The following ENKUR variants were observed in gnomAD, a reference collection of about 807,000 sequenced individuals.
ENKUR encodes enkurin, TRPC channel interacting protein, also known as enkurin.
Under a neutral mutation model 27.6 loss-of-function variants are expected in ENKUR, and 19 were observed. That is an observed-to-expected ratio of 0.69 (90% confidence interval 0.48 to 1.01). The LOEUF (loss-of-function observed/expected upper bound fraction) is 1.01. Among genes scored for constraint, ENKUR ranks in the 50% least tolerant of loss-of-function variants. ENKUR has a pLI of 0.00. For missense variants in ENKUR, 312 were observed against 310.5 expected (o/e 1.00, Z -0.04); for synonymous variants, 117 against 96.9 (o/e 1.21, Z -1.22).
chr10:25,031,461 A>T (rs555942134), intron 2 of ENKUR, among the ~76,000 whole-genome samples: 1 of 152,318 alleles, frequency 6.6e-6, no homozygotes, highest in Non-Finnish European at 1.5e-5. Context: ...GAGTGTAGCA[A>T]AAGAGCAGAA....
chr10:25,041,203 T>C (rs575462770), intron 2 of ENKUR, among the ~76,000 whole-genome samples: 2 of 152,364 alleles, frequency 1.3e-5, no homozygotes, highest in East Asian at 3.9e-4. Flanking sequence ...CTTCTGAAAG[T>C]AATTTCTTCC....
intron 2 of ENKUR, among the ~76,000 whole-genome samples, chr10:25,022,593 C>A (rs1337834167): frequency 6.6e-6 from 1 of 152,130 alleles, no homozygotes; most frequent in African/African-American, 2.4e-5. Context: ...GTTTGGAAAA[C>A]TAAGCATTTT....
In ENKUR at chr10:25,016,099, G is replaced by C; in HGVS notation, c.-163C>G. ...GTCCCCCTTTAACCCCCTCTTAGCA[G>C]TCCTCTCTCGGGAAGAAAACACCCT... is the stretch of plus-strand genomic sequence containing the variant. On this transcript the variant is annotated 5_prime_UTR_variant, in exon 1 of 6. Coordinates refer to ENST00000331161, the MANE Select transcript of ENKUR (RefSeq NM_145010.4). 7.7e-7 allele frequency: 1 copy of C among 1,301,334 alleles called. No individual in the cohort carries two copies. The highest frequency in any genetic ancestry group is 2.5e-5 in the South Asian group (1 of 40,006). The allele number at this position is 1,301,334 out of a possible 1,614,324, so 80.6% of individuals were successfully genotyped here. A position where few individuals can be genotyped will look rare whatever the true frequency, so the allele number is the denominator to read the frequency against.
At chr10:25,027,305 G>A (rs1329794311) in intron 2 of ENKUR, among the ~76,000 whole-genome samples, 37 of 126,638 alleles carry the variant, frequency 2.9e-4, no homozygotes, top group African/African-American at 9.9e-4. Context: ...GCAGTGAGCC[G>A]AAATCGCGCC....
chr10:25,039,360 G>A (rs1410097133), intron 2 of ENKUR, among the ~76,000 whole-genome samples: 5 of 152,062 alleles, frequency 3.3e-5, no homozygotes, highest in African/African-American at 7.2e-5. Flanking sequence ...CAGGAGGATC[G>A]CTTGAGCCCA....
intron 2 of ENKUR, among the ~76,000 whole-genome samples, chr10:25,052,144 C>T (rs1315308255): frequency 6.6e-6 from 1 of 152,150 alleles, no homozygotes; most frequent in African/African-American, 2.4e-5. Flanking sequence ...GAGGGACAGG[C>T]TGGGTCTCTC....
rs148248162 is a variant in ENKUR, at chr10:25,033,098, C to T, written c.37+28014G>A. On this transcript the variant is annotated intron_variant, in intron 2 of 5. Transcript: ENST00000615958. ...AATATTTCTAAGTTGGTTCATTAAA[C>T]TTAAATAGTTTTAGCAAAAACAAAC... 1.6e-3 allele frequency among the ~76,000 whole-genome samples: 246 copies of T among 152,214 alleles called. 1 individual carries two copies. Among genetic ancestry groups the T allele is most frequent in the Admixed American group, 3.4e-3 (52 of 15,280 alleles).
At chr10:25,022,402 G>T (rs1324957999) in intron 2 of ENKUR, among the ~76,000 whole-genome samples, 1 of 152,156 alleles carries the variant, frequency 6.6e-6, no homozygotes, top group Non-Finnish European at 1.5e-5. Flanking sequence ...GTTCTGTGCA[G>T]ATAAGGTTAT....
At chr10:25,029,226 A>C (rs1850905733) in intron 2 of ENKUR, among the ~76,000 whole-genome samples, 1 of 152,214 alleles carries the variant, frequency 6.6e-6, no homozygotes, top group Non-Finnish European at 1.5e-5. Context: ...AACATTAAAA[A>C]TCTATGAGTT....
intron 2 of ENKUR, among the ~76,000 whole-genome samples, chr10:25,056,208 G>C (rs1234648741): frequency 1.3e-5 from 2 of 152,210 alleles, no homozygotes; most frequent in African/African-American, 4.8e-5. Flanking sequence ...CAAAGCCCAT[G>C]CTCTGCAATG....
chr10:25,013,903 T>C (rs952371225), intron 1 of ENKUR, among the ~76,000 whole-genome samples: 3 of 151,732 alleles, frequency 2.0e-5, no homozygotes, highest in Admixed American at 6.6e-5. Context: ...GATGGCGCCA[T>C]TGCACTCCAG....
At chr10:25,009,621 T>C (rs745994776) in intron 1 of ENKUR, among the ~76,000 whole-genome samples, 2 of 152,082 alleles carry the variant, frequency 1.3e-5, no homozygotes, top group Admixed American at 6.5e-5. Flanking sequence ...CCATGTGATA[T>C]GGTTTTGCTG....
chr10:25,030,397 A>G (rs1362816539), intron 2 of ENKUR, among the ~76,000 whole-genome samples: 1 of 152,198 alleles, frequency 6.6e-6, no homozygotes, highest in Non-Finnish European at 1.5e-5. Flanking sequence ...CTGTATATAG[A>G]ATCCTAGGTT....
chr10:25,048,541 G>A lies in ENKUR; in HGVS notation c.37+12571C>T, dbSNP rs536319496. ...CTCCATGGGGAAGCACAGTCCAGCA[G>A]AAAGAAAACCAAGCCCCAGTCGTGG... is the stretch of plus-strand genomic sequence containing the variant. On this transcript the variant is annotated intron_variant, in intron 2 of 5. Coordinates refer to the ENKUR transcript ENST00000615958. Among the ~76,000 whole-genome samples, 7 of 152,080 alleles carry A rather than the reference G, an allele frequency of 4.6e-5. No individual in the cohort carries two copies. In the South Asian group the frequency reaches 1.5e-3, roughly 32 times the overall value.
chr10:25,037,179 G>A (rs1196867679), intron 2 of ENKUR, among the ~76,000 whole-genome samples: 1 of 152,112 alleles, frequency 6.6e-6, no homozygotes, highest in African/African-American at 2.4e-5. Context: ...AAAGCTATGA[G>A]GTGTCACTGA....
At chr10:25,059,891 T>A (rs866857717) in intron 2 of ENKUR, among the ~76,000 whole-genome samples, 7 of 151,772 alleles carry the variant, frequency 4.6e-5, no homozygotes, top group Admixed American at 6.6e-5. Flanking sequence ...TGCCAGCTGG[T>A]ATTGACATAA....
intron 4 of ENKUR, among the ~76,000 whole-genome samples, chr10:24,986,488 T>G (rs1360204997): frequency 6.6e-6 from 1 of 152,200 alleles, no homozygotes; most frequent in Non-Finnish European, 1.5e-5. Flanking sequence ...TCAAAAGAAT[T>G]CTATTTCTCC....
intron 2 of ENKUR, among the ~76,000 whole-genome samples, chr10:25,032,665 T>C (rs970629011): frequency 6.6e-6 from 1 of 152,212 alleles, no homozygotes; most frequent in Non-Finnish European, 1.5e-5. Flanking sequence ...CAGCCAAATT[T>C]TGAAGTTTTC....
chr10:25,031,843 T>G (rs1850938909), intron 2 of ENKUR, among the ~76,000 whole-genome samples: 1 of 152,014 alleles, frequency 6.6e-6, no homozygotes, highest in Admixed American at 6.6e-5. Flanking sequence ...TTTAAAGCCT[T>G]TTTCTTTTCC....
Sources: gnomAD v4.1 joint callset for allele counts (sites outside exome capture counted in the v4.1 genomes callset) on GRCh38, gnomAD v4.1.1 for gene constraint, MANE v1.5 for transcripts, NCBI Gene and HGNC (gene_info 2026-07-23, HGNC 2026-07-21) for gene names.